PADI3: variants seen among roughly 807,000 people sequenced by gnomAD.
The protein encoded by PADI3 is protein-arginine deiminase type-3.
PADI3 carries 53 observed loss-of-function variants against 71.5 expected under a neutral mutation model. The ratio of observed to expected loss-of-function variants is 0.74; its 90% CI spans 0.59 to 0.93. The LOEUF (loss-of-function observed/expected upper bound fraction) is 0.93. Among genes scored for constraint, PADI3 ranks in the 40% least tolerant of loss-of-function variants. The pLI, the probability that PADI3 is intolerant of heterozygous loss-of-function variation, is 0.00. For missense variants in PADI3, 821 were observed against 868.0 expected (o/e 0.95, Z 0.68); for synonymous variants, 361 against 347.5 (o/e 1.04, Z -0.43).
At chr1:17,259,444 C>A (rs1053076633) in intron 1 of PADI3, 134 bp from the exon 2 acceptor site, 1 of 712,260 alleles carries the variant, frequency 1.4e-6, no homozygotes, top group Admixed American at 2.5e-5. Flanking sequence ...CTCGCAGGAG[C>A]TTACTGTGAG....
chr1:17,274,842 G>A (rs2073306088), intron 11 of PADI3, 56 bp downstream of exon 11: 1 of 1,558,442 alleles, frequency 6.4e-7, no homozygotes, highest in Non-Finnish European at 8.8e-7. Flanking sequence ...GTTGGGGGTG[G>A]TGATGATGGT....
chr1:17,281,292 T>C (rs2073397183), intron 15 of PADI3, among the ~76,000 whole-genome samples: 1 of 152,208 alleles, frequency 6.6e-6, no homozygotes, highest in Non-Finnish European at 1.5e-5. Context: ...TGATCTATTT[T>C]GTAGGATAAG....
rs566661791 is a variant in PADI3, at chr1:17,272,011, T to C, written c.1047+833T>C. Among the ~76,000 whole-genome samples the C allele has an allele frequency of 3.7e-3, 566 of 152,256 alleles. 5 individuals carry two copies. The highest frequency in any genetic ancestry group is 0.013 in the African/African-American group (527 of 41,532). On this transcript the variant is annotated intron_variant, in intron 9 of 15. Coordinates refer to ENST00000375460, the MANE Select transcript of PADI3 (RefSeq NM_016233.2). ...TCTGAGCTGGACCAGATTTGGCAGA[T>C]GAGGGCACATGACTTCTGCCATTTA...
chr1:17,276,956 G>T (rs2073342157), intron 13 of PADI3, 80 bp downstream of exon 13: 1 of 1,240,912 alleles, frequency 8.1e-7, no homozygotes, highest in Non-Finnish European at 1.1e-6. Context: ...TTGAGAGGGG[G>T]AGGGCAAGTT....
intron 13 of PADI3, 33 bp downstream of exon 13, chr1:17,276,909 T>C: frequency 6.4e-7 from 1 of 1,554,646 alleles, no homozygotes; most frequent in Non-Finnish European, 8.8e-7. Flanking sequence ...TCCTTGCGGC[T>C]TGCCTGCCCC....
intron 5 of PADI3, 69 bp from the exon 6 acceptor site, chr1:17,267,768 T>C (rs4262593): frequency 0.11 from 171,335 of 1,580,482 alleles, 10,109 homozygotes; most frequent in Non-Finnish European, 0.12. Context: ...GGGAGGGAGC[T>C]GGGCAGCAGA....
chr1:17,269,597 G>A (rs2073218078), intron 6 of PADI3, among the ~76,000 whole-genome samples: 2 of 151,820 alleles, frequency 1.3e-5, no homozygotes, highest in South Asian at 4.1e-4. Flanking sequence ...TTGTTTGTTT[G>A]TTGTTGTTGT....
intron 9 of PADI3, 62 bp from the exon 10 acceptor site, chr1:17,273,278 A>G (rs1489321355): frequency 7.4e-7 from 1 of 1,345,954 alleles, no homozygotes; most frequent in Non-Finnish European, 1.1e-6. Context: ...CTCAGAGCCG[A>G]GCCAGCAGGG....
At chr1:17,279,108 T>C (rs976109146) in intron 13 of PADI3, among the ~76,000 whole-genome samples, 1 of 152,166 alleles carries the variant, frequency 6.6e-6, no homozygotes, top group African/African-American at 2.4e-5. Context: ...AGGAATGGGT[T>C]GAGCAGAGTT....
rs2977301 is a variant in PADI3 at position 17,284,107 on chromosome 1, A to C, written c.*1028A>C. 0.61 allele frequency: 89,736 copies of C among 147,080 alleles called. 27,465 individuals carry two copies. The highest frequency in any genetic ancestry group is 0.81 in the East Asian group (3,924 of 4,856). 9.1% of individuals were successfully genotyped at this position (147,080 alleles called of 1,614,324 possible). ...AGCTCACAGCGGGAAAACTCTGGGA[A>C]TGAACCACTGAATTCAGGGGATGGG... On this transcript the variant is annotated 3_prime_UTR_variant, in exon 16 of 16. Transcript: ENST00000375460.
At chr1:17,262,914 GT>G (rs2073121125) in intron 3 of PADI3, among the ~76,000 whole-genome samples, 1 of 152,010 alleles carries the variant, frequency 6.6e-6, no homozygotes, top group Non-Finnish European at 1.5e-5. Context: ...TGGCTTTTTT[GT>G]TTGTTTGTTT....
intron 10 of PADI3, 98 bp downstream of exon 10, chr1:17,273,545 G>A (rs111883422): frequency 1.9e-5 from 13 of 689,300 alleles, no homozygotes; most frequent in Admixed American, 8.0e-5. Flanking sequence ...AGTGGGAACC[G>A]TGCTCTTTAG....
chr1:17,254,635 C>T (rs1207286691), intron 1 of PADI3, among the ~76,000 whole-genome samples: 1 of 152,062 alleles, frequency 6.6e-6, no homozygotes, highest in Non-Finnish European at 1.5e-5. Flanking sequence ...TCTTCCTCCT[C>T]ACCATTGAAG....
intron 11 of PADI3, among the ~76,000 whole-genome samples, chr1:17,275,031 A>C (rs2073309529): frequency 6.6e-6 from 1 of 152,182 alleles, no homozygotes; most frequent in African/African-American, 2.4e-5. Context: ...CTTTCATTTT[A>C]CAAGTGGGCC....
intron 1 of PADI3, among the ~76,000 whole-genome samples, chr1:17,254,064 T>C (rs559883560): frequency 6.6e-6 from 1 of 152,314 alleles, no homozygotes; most frequent in Admixed American, 6.5e-5. Context: ...ATTTCTGCTC[T>C]TTTAAATACG....
intron 3 of PADI3, among the ~76,000 whole-genome samples, chr1:17,262,717 C>T (rs1193868587): frequency 6.6e-6 from 1 of 152,106 alleles, no homozygotes. Context: ...AAGGTTTCAC[C>T]AGTAGACTTG....
intron 6 of PADI3, among the ~76,000 whole-genome samples, chr1:17,269,211 T>C (rs2073212904): frequency 6.6e-6 from 1 of 152,124 alleles, no homozygotes. Context: ...TGTTAACGAG[T>C]TGGGATGTGT....
chr1:17,249,378 C>G (rs2072938646), intron 1 of PADI3, 149 bp downstream of exon 1: 4 of 678,222 alleles, frequency 5.9e-6, no homozygotes, highest in African/African-American at 1.8e-5. Flanking sequence ...GGGTCCTCCT[C>G]TTGCTCTACT....
At chr1:17,267,428 G>A (rs997531407) in intron 5 of PADI3, among the ~76,000 whole-genome samples, 3 of 152,132 alleles carry the variant, frequency 2.0e-5, no homozygotes, top group Non-Finnish European at 4.4e-5. Flanking sequence ...AGATGCCCAC[G>A]GTTGCCTTCT....
Sources: gnomAD v4.1 joint callset for allele counts (sites outside exome capture counted in the v4.1 genomes callset) on GRCh38, gnomAD v4.1.1 for gene constraint, MANE v1.5 for transcripts, NCBI Gene and HGNC (gene_info 2026-07-23, HGNC 2026-07-21) for gene names.